Variants in CAMK1D observed in about 807,000 individuals in gnomAD.
The protein encoded by CAMK1D is calcium/calmodulin dependent protein kinase ID.
CAMK1D carries 9 observed loss-of-function variants against 47.7 expected under a neutral mutation model. That is an observed-to-expected ratio of 0.19 (90% CI 0.11 to 0.33). The LOEUF (loss-of-function observed/expected upper bound fraction) is 0.33, where lower values mean the gene tolerates loss of function less well. CAMK1D is among the 10% of genes least tolerant of loss of function. The probability of loss-of-function intolerance (pLI) is 1.00; values close to 1 mark genes in which losing one functional copy is unlikely to be tolerated. For missense variants in CAMK1D, 291 were observed against 488.7 expected, an observed-to-expected ratio of 0.60 and a Z score of 3.81; for synonymous variants, 184 against 184.9, an observed-to-expected ratio of 0.99 and a Z score of 0.04.
At chr10:12,710,124 C>T (rs538393206) in intron 3 of CAMK1D, among the ~76,000 whole-genome samples, 1 of 152,318 alleles carries the variant, frequency 6.6e-6, no homozygotes, top group East Asian at 1.9e-4. Flanking sequence ...TATATAAATG[C>T]TTAGAGCAGT....
intron 1 of CAMK1D, among the ~76,000 whole-genome samples, chr10:12,374,785 T>C (rs1484739517): frequency 6.6e-6 from 1 of 151,740 alleles, no homozygotes; most frequent in Non-Finnish European, 1.5e-5. Flanking sequence ...CTACTAAAGA[T>C]ACAAAAAATT....
chr10:12,617,595 A>G lies in CAMK1D; in HGVS notation c.225-49141A>G, dbSNP rs1399137630. On this transcript the variant is annotated intron_variant, in intron 2 of 10. Transcript: ENST00000619168. The stretch of plus-strand genomic sequence containing the variant: ...TTTCTTCTCTTTGAGGAGAGAAGTA[A>G]TTTTCTGTCCCACCTGCATCTGTTT... 2.6e-5 allele frequency among the ~76,000 whole-genome samples: 4 copies of G among 152,064 alleles called. 1 individual carries two copies.
chr10:12,648,068 C>G (rs1298133522), intron 2 of CAMK1D, among the ~76,000 whole-genome samples: 1 of 152,204 alleles, frequency 6.6e-6, no homozygotes. Context: ...AAATTCAAAC[C>G]TGGTAGAGGG....
intron 8 of CAMK1D, among the ~76,000 whole-genome samples, chr10:12,816,973 T>G (rs1410836890): frequency 1.3e-5 from 2 of 149,922 alleles, no homozygotes; most frequent in Non-Finnish European, 3.0e-5. Context: ...TGGGGAGGCC[T>G]CACAATCGTG....
intron 3 of CAMK1D, among the ~76,000 whole-genome samples, chr10:12,686,789 G>A (rs1444679369): frequency 6.6e-6 from 1 of 152,106 alleles, no homozygotes; most frequent in Admixed American, 6.5e-5. Context: ...GTATACACTT[G>A]TACTATTTGA....
chr10:12,474,013 A>G (rs1456277296), intron 1 of CAMK1D, among the ~76,000 whole-genome samples: 1 of 152,118 alleles, frequency 6.6e-6, no homozygotes, highest in African/African-American at 2.4e-5. Flanking sequence ...TAATATTTGA[A>G]TTAAGTCATA....
chr10:12,539,675 C>G (rs1451886350), intron 1 of CAMK1D, among the ~76,000 whole-genome samples: 1 of 152,212 alleles, frequency 6.6e-6, no homozygotes, highest in Non-Finnish European at 1.5e-5. Context: ...AGAAATCTGT[C>G]TCCAACAGGA....
At chr10:12,719,491 A>T (rs1057073774) in intron 3 of CAMK1D, among the ~76,000 whole-genome samples, 3 of 152,180 alleles carry the variant, frequency 2.0e-5, no homozygotes, top group African/African-American at 7.2e-5. Context: ...GGTCTCTTGT[A>T]TCAAGAGAAA....
At chr10:12,361,248 G>GTTT (rs55700646) in intron 1 of CAMK1D, among the ~76,000 whole-genome samples, 1 of 120,078 alleles carries the variant, frequency 8.3e-6, no homozygotes, top group Non-Finnish European at 1.8e-5. Flanking sequence ...CTATTTGACT[G>GTTT]TTTTTTTTTT....
intron 4 of CAMK1D, among the ~76,000 whole-genome samples, chr10:12,764,152 G>A (rs1420013089): frequency 2.0e-5 from 3 of 152,112 alleles, no homozygotes; most frequent in East Asian, 1.9e-4. Context: ...AGGCGGAGGC[G>A]GGTGGATTGC....
intron 1 of CAMK1D, among the ~76,000 whole-genome samples, chr10:12,515,107 C>A (rs1564383605): frequency 6.7e-6 from 1 of 149,600 alleles, no homozygotes; most frequent in Non-Finnish European, 1.5e-5. Context: ...AGGTGATCCA[C>A]CCCCCTTGGC....
At chr10:12,697,378 C>T (rs1318911066) in intron 3 of CAMK1D, among the ~76,000 whole-genome samples, 1 of 152,078 alleles carries the variant, frequency 6.6e-6, no homozygotes, top group South Asian at 2.1e-4. Flanking sequence ...GCAGCAGCGT[C>T]GCTAAGTATT....
chr10:12,601,456 A>G (rs1385966175), intron 2 of CAMK1D, among the ~76,000 whole-genome samples: 1 of 152,046 alleles, frequency 6.6e-6, no homozygotes, highest in Non-Finnish European at 1.5e-5. Context: ...TGAGAGTCTC[A>G]AGTCATTTCT....
intron 2 of CAMK1D, among the ~76,000 whole-genome samples, chr10:12,650,824 T>G (rs1361219825): frequency 2.0e-5 from 3 of 152,158 alleles, no homozygotes; most frequent in South Asian, 2.1e-4. Flanking sequence ...ACCAGCAGCA[T>G]CATCCCTCAC....
rs1564535399 is a variant in CAMK1D, at chr10:12,751,076, GATAAGATAAGATAAGAT to G, written c.300-9870_300-9854del. The stretch of plus-strand genomic sequence containing the variant: ...AATAAGATAAGATAAGATAAGATAA[GATAAGATAAGATAAGAT>G]AAGATAAGATAAGATAAGATAAGAT... On this transcript the variant is annotated intron_variant, in intron 3 of 10. Transcript: ENST00000619168. 1.4e-3 allele frequency among the ~76,000 whole-genome samples: 64 copies of G among 44,494 alleles called. 1 individual carries two copies. Among genetic ancestry groups the G allele is most frequent in the African/African-American group, 6.1e-3 (55 of 8,976 alleles). 29.2% of individuals were successfully genotyped at this position (44,494 alleles called of 152,430 possible).
At chr10:12,780,455 C>G (rs946373990) in intron 5 of CAMK1D, among the ~76,000 whole-genome samples, 1 of 152,110 alleles carries the variant, frequency 6.6e-6, no homozygotes, top group Non-Finnish European at 1.5e-5. Flanking sequence ...TGTGAGTTGG[C>G]ATCCTTTAAG....
intron 6 of CAMK1D, among the ~76,000 whole-genome samples, chr10:12,801,300 T>C (rs974405428): frequency 1.3e-4 from 11 of 87,258 alleles, no homozygotes; most frequent in African/African-American, 2.4e-4. Flanking sequence ...TGTGTGTGTA[T>C]CTATCTATCT....
chr10:12,472,753 C>T (rs1040122828), intron 1 of CAMK1D, among the ~76,000 whole-genome samples: 1 of 152,156 alleles, frequency 6.6e-6, no homozygotes, highest in African/African-American at 2.4e-5. Context: ...AACTCCTGAC[C>T]TCAGATAATC....
At chr10:12,461,931 A>G (rs1833438358) in intron 1 of CAMK1D, among the ~76,000 whole-genome samples, 1 of 152,008 alleles carries the variant, frequency 6.6e-6, no homozygotes, top group South Asian at 2.1e-4. Flanking sequence ...TGTTCTCTGA[A>G]ACAATGAACA....
Sources: gnomAD v4.1 joint callset for allele counts (sites outside exome capture counted in the v4.1 genomes callset) on GRCh38, gnomAD v4.1.1 for gene constraint, MANE v1.5 for transcripts, NCBI Gene and HGNC (gene_info 2026-07-23, HGNC 2026-07-21) for gene names.